The following SLC60A2 variants were observed in gnomAD, a reference collection of about 807,000 sequenced individuals.
The protein encoded by SLC60A2 is major facilitator superfamily domain containing 4B.
the SLC60A2 span, chr6:111,265,128 C>T: frequency 7.4e-5 from 17 of 229,056 alleles, 1 homozygote; most frequent in South Asian, 2.6e-3. Flanking sequence ...TCTGTTTACT[C>T]CTAAAACCAG....
the SLC60A2 span, chr6:111,262,397 C>T: frequency 3.7e-6 from 6 of 1,613,030 alleles, no homozygotes; most frequent in East Asian, 6.7e-5. Flanking sequence ...GATTTCTTGT[C>T]GATGTCATGA....
chr6:111,265,877 T>C, the SLC60A2 span: 4 of 1,590,284 alleles, frequency 2.5e-6, no homozygotes, highest in East Asian at 9.0e-5. Flanking sequence ...CATCGACAGG[T>C]GGTAACGTCC....
chr6:111,275,873 C>T, the SLC60A2 span, among the ~76,000 whole-genome samples: 1 of 152,182 alleles, frequency 6.6e-6, no homozygotes, highest in Non-Finnish European at 1.5e-5. Flanking sequence ...TTCCACTCAT[C>T]CACAGAACGT....
chr6:111,275,822 C>G, the SLC60A2 span, among the ~76,000 whole-genome samples: 1 of 152,156 alleles, frequency 6.6e-6, no homozygotes, highest in African/African-American at 2.4e-5. Context: ...TTGTACAGTT[C>G]AGTGGCATTA....
chr6:111,278,988 C>A, the SLC60A2 span, among the ~76,000 whole-genome samples: 2 of 152,198 alleles, frequency 1.3e-5, no homozygotes, highest in African/African-American at 2.4e-5. Context: ...GTTAGAATCA[C>A]CTGGCAGTGT....
At chr6:111,267,094 C>T in the SLC60A2 span, 1 of 1,611,966 alleles carries the variant, frequency 6.2e-7, no homozygotes, top group Non-Finnish European at 8.5e-7. Context: ...TTGCCAGAAA[C>T]CAGGACAAAA....
At chr6:111,263,075 C>T in the SLC60A2 span, among the ~76,000 whole-genome samples, 6 of 152,036 alleles carry the variant, frequency 3.9e-5, no homozygotes, top group Non-Finnish European at 8.8e-5. Flanking sequence ...TTAACTGGGA[C>T]CACAGGTGTG....
chr6:111,268,296 C>T, the SLC60A2 span: 2 of 152,160 alleles, frequency 1.3e-5, no homozygotes, highest in Non-Finnish European at 2.9e-5. Context: ...CTAAGTTGCA[C>T]TTTTTACCCC....
the SLC60A2 span, among the ~76,000 whole-genome samples, chr6:111,271,828 TG>T: frequency 5.0e-5 from 1 of 19,804 alleles, no homozygotes; most frequent in Non-Finnish European, 3.7e-4. Flanking sequence ...TAGCCAGGTG[TG>T]GTGGTGGCAG....
At chr6:111,266,170 T>C in the SLC60A2 span, 1 of 1,612,514 alleles carries the variant, frequency 6.2e-7, no homozygotes, top group Non-Finnish European at 8.5e-7. Flanking sequence ...TTTTTTTGTC[T>C]GTTTTTAAAG....
At chr6:111,274,381 A>G in the SLC60A2 span, among the ~76,000 whole-genome samples, 1 of 152,072 alleles carries the variant, frequency 6.6e-6, no homozygotes, top group African/African-American at 2.4e-5. Context: ...TTCAGTCCAT[A>G]TGTGTGTTTA....
the SLC60A2 span, among the ~76,000 whole-genome samples, chr6:111,276,022 TA>T: frequency 2.0e-5 from 3 of 152,236 alleles, no homozygotes; most frequent in African/African-American, 7.2e-5. Context: ...AGTGGGATCA[TA>T]CAGTTTTTGT....
chr6:111,269,749 A>G, the SLC60A2 span: 1 of 152,190 alleles, frequency 6.6e-6, no homozygotes. Context: ...AAAATTCACT[A>G]TGTTTCCACA....
At chr6:111,265,682 C>A in the SLC60A2 span, among the ~76,000 whole-genome samples, 7 of 152,008 alleles carry the variant, frequency 4.6e-5, no homozygotes, top group Non-Finnish European at 1.0e-4. Flanking sequence ...TGTTATAATG[C>A]TTAGAGTTGT....
At chr6:111,275,398 G>A in the SLC60A2 span, among the ~76,000 whole-genome samples, 1 of 150,680 alleles carries the variant, frequency 6.6e-6, no homozygotes. Context: ...CTGGCTTTTA[G>A]CTCAGAACAA....
chr6:111,271,167 C>CAAAAAA, the SLC60A2 span: 3 of 73,584 alleles, frequency 4.1e-5, no homozygotes, highest in African/African-American at 1.7e-4. Flanking sequence ...GACTCCATCT[C>CAAAAAA]AAAAAAAAAA....
At chr6:111,265,322 G>A in the SLC60A2 span, 5 of 984,658 alleles carry the variant, frequency 5.1e-6, no homozygotes, top group South Asian at 9.4e-5. Flanking sequence ...CCTCCTAGAC[G>A]TTTAGACAGT....
At chr6:111,268,329 TC>T in the SLC60A2 span, 2 of 150,352 alleles carry the variant, frequency 1.3e-5, no homozygotes, top group African/African-American at 4.8e-5. Context: ...ATATCTGAAA[TC>T]AGAATGTGTC....
the SLC60A2 span, among the ~76,000 whole-genome samples, chr6:111,260,010 A>C: frequency 6.8e-6 from 1 of 147,684 alleles, no homozygotes; most frequent in Non-Finnish European, 1.5e-5. Flanking sequence ...CCCAGGGTTC[A>C]AGCGATTCTC....
Sources: gnomAD v4.1 joint callset for allele counts (sites outside exome capture counted in the v4.1 genomes callset) on GRCh38, gnomAD v4.1.1 for gene constraint, MANE v1.5 for transcripts, NCBI Gene and HGNC (gene_info 2026-07-23, HGNC 2026-07-21) for gene names.